The following TCERG1L variants were observed in gnomAD, a reference collection of about 807,000 sequenced individuals.
TCERG1L encodes the protein transcription elongation regulator 1 like.
A neutral mutation model predicts 56.3 loss-of-function variants in TCERG1L; 37 were observed. The ratio of observed to expected loss-of-function variants is 0.66; its 90% CI spans 0.51 to 0.87. The LOEUF is 0.87. Among genes scored for constraint, TCERG1L ranks in the 40% least tolerant of loss-of-function variants. TCERG1L has a pLI of 0.00. For synonymous variants in TCERG1L, 324 were observed against 326.3 expected (o/e 0.99, Z 0.08); for missense variants, 799 against 774.2 (o/e 1.03, Z -0.38).
intron 4 of TCERG1L, among the ~76,000 whole-genome samples, chr10:131,224,654 T>A (rs1400997885): frequency 6.6e-6 from 1 of 152,112 alleles, no homozygotes; most frequent in Non-Finnish European, 1.5e-5. Flanking sequence ...AAGACCGAAG[T>A]CACGTCCTCC....
At position 131,311,673 on chromosome 10, in the gene TCERG1L, G is replaced by A. The variant is rs1237105166; in HGVS notation, c.-38C>T. The A allele has an allele frequency of 4.8e-6, 5 of 1,052,316 alleles. No individual in the cohort carries two copies. The African/African-American group carries it at 6.9e-5, about 14-fold the overall frequency. 65.2% of individuals were successfully genotyped at this position (1,052,316 alleles called of 1,614,324 possible). ...CGCTGACGGCGGCGGCGGGGGCGGCGGGCGCCCGAGATGCTGGGCCGGCGG... is the reference window on the plus strand; with the variant it reads ...CGCTGACGGCGGCGGCGGGGGCGGCAGGCGCCCGAGATGCTGGGCCGGCGG... On this transcript the variant is annotated 5_prime_UTR_variant, in exon 1 of 12. Coordinates refer to ENST00000368642, the MANE Select transcript of TCERG1L (RefSeq NM_174937.4). This position sits in a 1 kb window ranked among gnomAD's most constrained non-coding sequence, Gnocchi z 4.0.
In TCERG1L at chr10:131,099,640, G is replaced by A. The variant is rs555435125; in HGVS notation, c.1486-1216C>T. Among the ~76,000 whole-genome samples, 203 of 152,192 alleles carry A rather than the reference G, an allele frequency of 1.3e-3. 1 individual carries two copies. Among genetic ancestry groups the A allele is most frequent in the Middle Eastern group, 3.4e-3 (1 of 292 alleles). On this transcript the variant is annotated intron_variant, in intron 10 of 11. Coordinates refer to ENST00000368642, the MANE Select transcript of TCERG1L (RefSeq NM_174937.4). ...GCAAGGGTGGGCAGGTGAAAGCCTC[G>A]ACCCCAGCACTGCTCAGCCCCTTCT...
chr10:131,236,314 T>A (rs975951801), intron 4 of TCERG1L, among the ~76,000 whole-genome samples: 1 of 152,178 alleles, frequency 6.6e-6, no homozygotes, highest in African/African-American at 2.4e-5. Flanking sequence ...TGCTACCTTT[T>A]TTTCCCCCAA....
At chr10:131,134,272 T>C in intron 8 of TCERG1L, 107 bp downstream of exon 8, 5 of 1,014,778 alleles carry the variant, frequency 4.9e-6, no homozygotes, top group Non-Finnish European at 6.0e-6. Context: ...AGCGGTTGAA[T>C]TAGCTCTTTG....
chr10:131,298,288 G>A (rs1310021216), intron 3 of TCERG1L, among the ~76,000 whole-genome samples: 1 of 150,716 alleles, frequency 6.6e-6, no homozygotes, highest in East Asian at 1.9e-4. Flanking sequence ...TATTTCCACT[G>A]TCACTTTTTC....
At chr10:131,225,997 G>A (rs574001357) in intron 4 of TCERG1L, among the ~76,000 whole-genome samples, 9 of 152,300 alleles carry the variant, frequency 5.9e-5, no homozygotes, top group African/African-American at 1.7e-4. Flanking sequence ...CAGTGCAGTG[G>A]TGCCATCATG....
At chr10:131,309,834 C>CAAAAAAAAAAAAAAAAAAAA (rs58892586) in intron 1 of TCERG1L, among the ~76,000 whole-genome samples, 3 of 49,822 alleles carry the variant, frequency 6.0e-5, no homozygotes, top group Admixed American at 2.7e-4. Context: ...GATTCTATGG[C>CAAAAAAAAAAAAAAAAAAAA]AAAAAAAAAA....
intron 4 of TCERG1L, among the ~76,000 whole-genome samples, chr10:131,231,223 T>G (rs1845848362): frequency 6.6e-6 from 1 of 152,110 alleles, no homozygotes; most frequent in Non-Finnish European, 1.5e-5. Flanking sequence ...ACACTGAGGG[T>G]TGCGACAGTG....
chr10:131,135,273 T>A (rs1228187087), intron 7 of TCERG1L, among the ~76,000 whole-genome samples: 1 of 152,094 alleles, frequency 6.6e-6, no homozygotes, highest in Admixed American at 6.5e-5. Context: ...GCTGAACTAG[T>A]CTGGGCTGGG....
Position 131,093,030 on chromosome 10 carries a change from C to T in TCERG1L, c.*132G>A, listed in dbSNP as rs1376382018. The stretch of plus-strand genomic sequence containing the variant: ...AACAGTAATCCTCTGAGAACGAAGA[C>T]CCCGCAGTGCCGGTGCCCGCTGGGC... On this transcript the variant is annotated 3_prime_UTR_variant, in exon 12 of 12. Transcript: ENST00000368642. 6.4e-5 allele frequency: 52 copies of T among 818,694 alleles called. No homozygotes were observed. In the South Asian group the frequency reaches 8.2e-4, roughly 13 times the overall value. 50.7% of individuals were successfully genotyped at this position (818,694 alleles called of 1,614,324 possible).
intron 4 of TCERG1L, among the ~76,000 whole-genome samples, chr10:131,222,644 T>C (rs986566218): frequency 6.6e-6 from 1 of 152,170 alleles, no homozygotes; most frequent in Non-Finnish European, 1.5e-5. Flanking sequence ...GTCCAGGAGA[T>C]AGTGAGGGTA....
intron 1 of TCERG1L, among the ~76,000 whole-genome samples, chr10:131,309,873 A>G (rs1774273121): frequency 6.9e-6 from 1 of 145,026 alleles, no homozygotes; most frequent in South Asian, 2.1e-4. Flanking sequence ...AGCATCTTCT[A>G]AGTTGAAGAT....
At chr10:131,131,686 A>G (rs10829910) in intron 8 of TCERG1L, among the ~76,000 whole-genome samples, 122,581 of 152,194 alleles carry the variant, frequency 0.81, 51,004 homozygotes, top group South Asian at 0.92. Context: ...TGTATCGATT[A>G]TGCCAGGGTT....
chr10:131,265,909 C>T (rs756049705), intron 3 of TCERG1L, among the ~76,000 whole-genome samples: 1 of 152,254 alleles, frequency 6.6e-6, no homozygotes, highest in Non-Finnish European at 1.5e-5. Flanking sequence ...ACGCTTGCTA[C>T]ATTGATGGAC....
chr10:131,252,862 T>G (rs919228632), intron 4 of TCERG1L, among the ~76,000 whole-genome samples: 1 of 152,230 alleles, frequency 6.6e-6, no homozygotes, highest in African/African-American at 2.4e-5. Context: ...TGCACGATGC[T>G]TTCATTAAAG....
intron 7 of TCERG1L, among the ~76,000 whole-genome samples, chr10:131,139,332 C>G (rs1339128686): frequency 6.6e-6 from 1 of 152,198 alleles, no homozygotes; most frequent in Admixed American, 6.5e-5. Flanking sequence ...TGTGTGGGAG[C>G]ACAAAGCACA....
intron 4 of TCERG1L, among the ~76,000 whole-genome samples, chr10:131,250,634 G>A (rs1846099703): frequency 6.6e-6 from 1 of 152,160 alleles, no homozygotes; most frequent in South Asian, 2.1e-4. Flanking sequence ...CAGCAGGGAT[G>A]GGACAGTGAA....
chr10:131,250,398 C>G (rs1284576223), intron 4 of TCERG1L, among the ~76,000 whole-genome samples: 2 of 152,224 alleles, frequency 1.3e-5, no homozygotes, highest in Admixed American at 1.3e-4. Context: ...GGCTATTTTC[C>G]TTTTCTTATT....
intron 4 of TCERG1L, among the ~76,000 whole-genome samples, chr10:131,244,655 G>A (rs1285928698): frequency 6.6e-6 from 1 of 152,146 alleles, no homozygotes; most frequent in African/African-American, 2.4e-5. Flanking sequence ...CCAGGGTGCC[G>A]TGGAACTCCC....
Sources: allele counts gnomAD v4.1 joint callset (sites outside exome capture counted in the v4.1 genomes callset), GRCh38; gene constraint gnomAD v4.1.1; non-coding constraint Gnocchi (gnomAD v3.1); transcripts MANE v1.5; gene names NCBI Gene and HGNC (gene_info 2026-07-23, HGNC 2026-07-21).